Variants in LRBA observed in about 807,000 individuals in gnomAD.
LRBA encodes LPS responsive beige-like anchor protein, also known as lipopolysaccharide-responsive and beige-like anchor protein.
Under a neutral mutation model 330.0 loss-of-function variants are expected in LRBA, and 176 were observed. The observed-to-expected ratio is 0.53, with a 90% CI of 0.47 to 0.60. The LOEUF is 0.60. Ranked by LOEUF, LRBA falls within the 20% of genes least tolerant of loss-of-function variation. The pLI is 0.00. For missense variants in LRBA, 3,259 were observed against 3,444.8 expected (o/e 0.95, Z 1.35); for synonymous variants, 1,230 against 1,193.0 (o/e 1.03, Z -0.64).
At chr4:150,297,613 T>C (rs1729133199) in intron 53 of LRBA, among the ~76,000 whole-genome samples, 1 of 152,214 alleles carries the variant, frequency 6.6e-6, no homozygotes, top group Non-Finnish European at 1.5e-5. Flanking sequence ...AAGGATCAGA[T>C]CAAGAGTCAT....
At chr4:150,556,549 T>C (rs1246284165) in intron 40 of LRBA, among the ~76,000 whole-genome samples, 1 of 152,242 alleles carries the variant, frequency 6.6e-6, no homozygotes, top group Non-Finnish European at 1.5e-5. Flanking sequence ...TTAGCCTATT[T>C]ACTTATTTAT....
chr4:150,810,900 C>A (rs557555079), intron 31 of LRBA, among the ~76,000 whole-genome samples: 3 of 152,288 alleles, frequency 2.0e-5, no homozygotes, highest in South Asian at 2.1e-4. Context: ...CCATGCCCAG[C>A]CCATTGTGAC....
At chr4:150,665,204 C>T (rs1426253185) in intron 37 of LRBA, among the ~76,000 whole-genome samples, 1 of 152,178 alleles carries the variant, frequency 6.6e-6, no homozygotes, top group East Asian at 1.9e-4. Flanking sequence ...TATTTAGAGA[C>T]TCAGCTCCCA....
At chr4:150,813,757 T>C (rs1744141782) in intron 31 of LRBA, among the ~76,000 whole-genome samples, 1 of 152,112 alleles carries the variant, frequency 6.6e-6, no homozygotes, top group South Asian at 2.1e-4. Flanking sequence ...CATGTGAATA[T>C]ATAACAGAAA....
intron 56 of LRBA, among the ~76,000 whole-genome samples, chr4:150,276,042 G>C (rs938254249): frequency 2.0e-5 from 3 of 152,112 alleles, no homozygotes; most frequent in Non-Finnish European, 4.4e-5. Context: ...ATACTACAAG[G>C]CTACAGTAAC....
At chr4:150,469,756 A>C (rs1043441807) in intron 43 of LRBA, among the ~76,000 whole-genome samples, 2 of 152,148 alleles carry the variant, frequency 1.3e-5, no homozygotes, top group Non-Finnish European at 2.9e-5. Flanking sequence ...TTTCTTTGCT[A>C]AGAGTAATTG....
At chr4:150,839,508 C>T (rs999855292) in intron 28 of LRBA, among the ~76,000 whole-genome samples, 3 of 152,128 alleles carry the variant, frequency 2.0e-5, no homozygotes, top group African/African-American at 7.2e-5. Context: ...CAATGATAGA[C>T]TGGATTAAGA....
intron 48 of LRBA, among the ~76,000 whole-genome samples, chr4:150,343,281 C>T (rs1179488539): frequency 6.6e-6 from 1 of 152,182 alleles, no homozygotes; most frequent in African/African-American, 2.4e-5. Flanking sequence ...CAGTCATTAA[C>T]CATCCCTTCT....
At chr4:150,825,908 A>C (rs562150558) in intron 30 of LRBA, among the ~76,000 whole-genome samples, 26 of 152,314 alleles carry the variant, frequency 1.7e-4, no homozygotes, top group African/African-American at 6.0e-4. Context: ...AATCCCGCAT[A>C]AGAACTATTG....
chr4:150,532,343 G>C (rs1764135290), intron 40 of LRBA, among the ~76,000 whole-genome samples: 1 of 152,114 alleles, frequency 6.6e-6, no homozygotes, highest in Non-Finnish European at 1.5e-5. Context: ...CTGTTTTACA[G>C]GAGAATTTGT....
chr4:150,481,450 C>T (rs1035819432), intron 42 of LRBA, among the ~76,000 whole-genome samples: 9 of 151,944 alleles, frequency 5.9e-5, no homozygotes, highest in Non-Finnish European at 1.0e-4. Context: ...TAATATTTAT[C>T]AAACTTAAGT....
chr4:150,770,308 T>C (rs114572590), intron 34 of LRBA, among the ~76,000 whole-genome samples: 1,735 of 152,252 alleles, frequency 0.011, 9 homozygotes, highest in Non-Finnish European at 0.018. Flanking sequence ...CAATCCCTCA[T>C]AATAAATTTC....
chr4:150,307,783 C>T (rs1730553442), intron 52 of LRBA, among the ~76,000 whole-genome samples: 1 of 151,990 alleles, frequency 6.6e-6, no homozygotes, highest in South Asian at 2.1e-4. Flanking sequence ...ATGTCCAAGA[C>T]TCAAAGAGGA....
intron 37 of LRBA, among the ~76,000 whole-genome samples, chr4:150,637,177 T>TA (rs562151056): frequency 4.9e-4 from 74 of 149,746 alleles, no homozygotes; most frequent in Non-Finnish European, 7.7e-4. Flanking sequence ...TTATTCCTTC[T>TA]AAAAAAAAAA....
chr4:150,718,911 AT>A (rs1210620480), intron 36 of LRBA, among the ~76,000 whole-genome samples: 1 of 152,112 alleles, frequency 6.6e-6, no homozygotes, highest in Non-Finnish European at 1.5e-5. Flanking sequence ...TGGGAAACAG[AT>A]TACCTGGATC....
In LRBA at chr4:150,436,802, T is replaced by A. The variant is rs1352806316; in HGVS notation, c.6843A>T (p.Glu2281Asp). Residue 2281 changes from glutamate to aspartate, a missense_variant, in exon 45 of 57, where the codon GAA (glutamate) becomes GAT (aspartate). Physicochemically the swap from Glu to Asp is conservative, Grantham distance 45 (BLOSUM62 2). Transcript: ENST00000651943. ...AFFAERYESW[E>D]DDQVPKFHYG... is the part of the protein sequence containing the mutation. ...AGTGAAACTTTGGAACTTGATCATC[T>A]TCCCATGATTCATAACGCTCAGCGA... The A allele has an allele frequency of 6.2e-7, 1 of 1,613,772 alleles. No individual in the cohort carries two copies. Among genetic ancestry groups the A allele is most frequent in the Non-Finnish European group, 8.5e-7 (1 of 1,179,792 alleles).
At chr4:150,685,222 C>G (rs1473797386) in intron 36 of LRBA, among the ~76,000 whole-genome samples, 2 of 150,720 alleles carry the variant, frequency 1.3e-5, no homozygotes, top group African/African-American at 4.9e-5. Flanking sequence ...ATTCTCAAGA[C>G]CAGCCAACCC....
At chr4:150,503,038 T>C (rs945213707) in intron 40 of LRBA, among the ~76,000 whole-genome samples, 2 of 152,054 alleles carry the variant, frequency 1.3e-5, no homozygotes, top group Non-Finnish European at 2.9e-5. Flanking sequence ...CTTGATTAGG[T>C]AAACAAAGCA....
chr4:150,639,751 A>ATGTGTGTATG (rs1257366147), intron 37 of LRBA, among the ~76,000 whole-genome samples: 2 of 5,516 alleles, frequency 3.6e-4, no homozygotes, highest in Non-Finnish European at 1.0e-3. Context: ...ATATATATAT[A>ATGTGTGTATG]TATATATATA....
Sources: allele counts gnomAD v4.1 joint callset (sites outside exome capture counted in the v4.1 genomes callset), GRCh38; gene constraint gnomAD v4.1.1; transcripts MANE v1.5; gene names NCBI Gene and HGNC (gene_info 2026-07-23, HGNC 2026-07-21).